TES: variants seen among roughly 807,000 people sequenced by gnomAD.
TES encodes the protein testin.
Under a neutral mutation model 48.2 loss-of-function variants are expected in TES, and 41 were observed. The ratio of observed to expected loss-of-function variants is 0.85; its 90% confidence interval spans 0.66 to 1.10. TES has a LOEUF of 1.10. Among genes scored for constraint, TES ranks in the 50% least tolerant of loss-of-function variants. The pLI is 0.00. For synonymous variants in TES, 162 were observed against 174.9 expected (o/e 0.93, Z 0.58); for missense variants, 463 against 515.1 (o/e 0.90, Z 0.98).
At chr7:116,245,362 G>A (rs1452898140) in intron 2 of TES, among the ~76,000 whole-genome samples, 1 of 152,010 alleles carries the variant, frequency 6.6e-6, no homozygotes, top group Non-Finnish European at 1.5e-5. Context: ...TCTAGGGCAG[G>A]GGCAAAATGC....
chr7:116,223,377 G>A (rs1799580529), intron 1 of TES, among the ~76,000 whole-genome samples: 1 of 152,094 alleles, frequency 6.6e-6, no homozygotes, highest in Non-Finnish European at 1.5e-5. Flanking sequence ...CCATCTCCAG[G>A]TGGATTTATA....
At chr7:116,254,662 G>C (rs1311531686) in intron 6 of TES, among the ~76,000 whole-genome samples, 1 of 151,962 alleles carries the variant, frequency 6.6e-6, no homozygotes, top group Non-Finnish European at 1.5e-5. Flanking sequence ...CTTGAACCTG[G>C]GAGGTGGAGG....
intron 2 of TES, among the ~76,000 whole-genome samples, chr7:116,240,724 T>C (rs1799835413): frequency 6.6e-6 from 1 of 152,174 alleles, no homozygotes; most frequent in African/African-American, 2.4e-5. Flanking sequence ...CTTAACATCC[T>C]ATGGAGAATC....
intron 2 of TES, among the ~76,000 whole-genome samples, chr7:116,239,507 A>G (rs1799815664): frequency 6.6e-6 from 1 of 152,252 alleles, no homozygotes; most frequent in African/African-American, 2.4e-5. Flanking sequence ...TACTAAAGTT[A>G]TGGCTTATAG....
chr7:116,251,551 C>T (rs998546140), intron 4 of TES: 6 of 514,556 alleles, frequency 1.2e-5, no homozygotes, highest in Admixed American at 3.2e-5. Flanking sequence ...GGCGTGGTGG[C>T]AGGCGCCTGT....
At chr7:116,248,885 C>T (rs1260619719) in intron 2 of TES, 135 bp from the exon 3 acceptor site, 4 of 809,358 alleles carry the variant, frequency 4.9e-6, no homozygotes, top group East Asian at 5.6e-5. Context: ...ACTTATTCTC[C>T]CTCCTAAAAA....
intron 1 of TES, among the ~76,000 whole-genome samples, chr7:116,231,666 TATG>T (rs1029428788): frequency 1.3e-5 from 2 of 152,232 alleles, no homozygotes; most frequent in Admixed American, 1.3e-4. Context: ...ATGTCTGGGT[TATG>T]ATAAGGGGGC....
chr7:116,239,219 G>GCACCT (rs1235716357), intron 2 of TES: 1 of 152,184 alleles, frequency 6.6e-6, no homozygotes. Flanking sequence ...AATCCTTCCT[G>GCACCT]CACCTCACAT....
intron 1 of TES, among the ~76,000 whole-genome samples, chr7:116,220,116 C>T (rs1355939633): frequency 6.6e-6 from 1 of 152,112 alleles, no homozygotes; most frequent in Non-Finnish European, 1.5e-5. Flanking sequence ...CTTTTATATA[C>T]TGCAACAAAT....
chr7:116,251,516 A>G, intron 4 of TES: 1 of 419,428 alleles, frequency 2.4e-6, no homozygotes. Flanking sequence ...CCCCGTCTCT[A>G]CTAAAAATAC....
chr7:116,243,682 A>G (rs572387614), intron 2 of TES, among the ~76,000 whole-genome samples: 10 of 152,250 alleles, frequency 6.6e-5, no homozygotes, highest in Admixed American at 1.3e-4. Context: ...TCATCTTTTG[A>G]ATATACTATC....
Position 116,251,690 on chromosome 7 carries a change from A to G in TES, c.703-70A>G, listed in dbSNP as rs1800011640. On this transcript the variant is annotated intron_variant, in intron 4 of 6. Transcript: ENST00000358204. ...AGAGTGAGACTCAGTCTCAAAAAAAAAAAAAGAAAGAAAGAAAAGAAATGG... is the reference window on the plus strand; with the variant it reads ...AGAGTGAGACTCAGTCTCAAAAAAAGAAAAAGAAAGAAAGAAAAGAAATGG... 4 of 1,426,372 alleles carry G rather than the reference A, an allele frequency of 2.8e-6. No individual in the cohort carries two copies. In the Admixed American group the frequency reaches 5.5e-5, roughly 20 times the overall value. The allele number at this position is 1,426,372 out of a possible 1,614,324, so 88.4% of individuals were successfully genotyped here.
At position 116,241,683 on chromosome 7, in the gene TES, T is replaced by A. The variant is rs576301580; in HGVS notation, c.113+7064T>A. ...TGAAAATTATATGGCATAGTATGACTTCTTAGGTATTTCTTTTTTCTTACC... is the reference window on the plus strand; with the variant it reads ...TGAAAATTATATGGCATAGTATGACATCTTAGGTATTTCTTTTTTCTTACC... On this transcript the variant is annotated intron_variant, in intron 2 of 6. Transcript: ENST00000358204. 1.1e-3 allele frequency among the ~76,000 whole-genome samples: 150 copies of A among 137,610 alleles called. 1 individual carries two copies. Among genetic ancestry groups the A allele is most frequent in the South Asian group, 7.7e-3 (34 of 4,388 alleles). 90.3% of individuals were successfully genotyped at this position (137,610 alleles called of 152,430 possible). A position where few individuals can be genotyped will look rare whatever the true frequency, so the allele number is the denominator to read the frequency against.
At chr7:116,213,631 GTT>G (rs1342293523) in intron 1 of TES, among the ~76,000 whole-genome samples, 1 of 152,224 alleles carries the variant, frequency 6.6e-6, no homozygotes, top group African/African-American at 2.4e-5. Context: ...AAGACAAGGG[GTT>G]TTTATAATTA....
chr7:116,234,591 T>C lies in TES; in HGVS notation c.85T>C (p.Cys29Arg), dbSNP rs1389079812. The change falls in exon 2 of 7, where the codon TGT becomes CGT. Residue 29 changes from cysteine (C) to arginine (R), a missense_variant. Transcript: ENST00000358204. ...GAPCLKCKEK[C>R]EGFELHFWRK... The stretch of plus-strand genomic sequence containing the variant: ...CCCTTGTTTAAAATGCAAAGAAAAA[T>C]GTGAAGGATTCGAACTGCACTTCTG... 6.2e-7 allele frequency: 1 copy of C among 1,613,694 alleles called. No individual in the cohort carries two copies. Among genetic ancestry groups the C allele is most frequent in the East Asian group, 2.2e-5 (1 of 44,848 alleles).
At chr7:116,240,590 C>G (rs539913086) in intron 2 of TES, among the ~76,000 whole-genome samples, 1 of 152,056 alleles carries the variant, frequency 6.6e-6, no homozygotes. Flanking sequence ...CTCCTCCATC[C>G]CCACACCTTA....
chr7:116,233,738 AT>A (rs1433864859), intron 1 of TES, among the ~76,000 whole-genome samples: 1 of 152,176 alleles, frequency 6.6e-6, no homozygotes, highest in Non-Finnish European at 1.5e-5. Flanking sequence ...ATAGAAATTT[AT>A]TTGTCAAGTT....
At chr7:116,218,464 A>G (rs1194772152) in intron 1 of TES, among the ~76,000 whole-genome samples, 1 of 152,144 alleles carries the variant, frequency 6.6e-6, no homozygotes, top group East Asian at 1.9e-4. Context: ...TTGTTTTTAT[A>G]TGACCACAAC....
chr7:116,235,610 C>A (rs1268638891), intron 2 of TES, among the ~76,000 whole-genome samples: 1 of 152,052 alleles, frequency 6.6e-6, no homozygotes, highest in African/African-American at 2.4e-5. Context: ...TATTTGAAAC[C>A]TGTGCTTATG....
Sources: gnomAD v4.1 joint callset for allele counts (sites outside exome capture counted in the v4.1 genomes callset) on GRCh38, gnomAD v4.1.1 for gene constraint, MANE v1.5 for transcripts, NCBI Gene and HGNC (gene_info 2026-07-23, HGNC 2026-07-21) for gene names.